The following ENPP1 variants were observed in gnomAD, a reference collection of about 807,000 sequenced individuals.
The protein encoded by ENPP1 is ectonucleotide pyrophosphatase/phosphodiesterase 1, also known as ectonucleotide pyrophosphatase/phosphodiesterase family member 1.
A neutral mutation model predicts 122.8 loss-of-function variants in ENPP1; 73 were observed. The observed-to-expected ratio is 0.59, with a 90% CI of 0.49 to 0.72. The LOEUF (loss-of-function observed/expected upper bound fraction) is 0.72. Ranked by LOEUF, ENPP1 falls within the 30% of genes least tolerant of loss-of-function variation. The pLI, the probability that ENPP1 is intolerant of heterozygous loss-of-function variation, is 0.00. For missense variants in ENPP1, 978 were observed against 1,128.1 expected, an observed-to-expected ratio of 0.87 and a Z score of 1.91; for synonymous variants, 367 against 391.6, an observed-to-expected ratio of 0.94 and a Z score of 0.74.
In ENPP1 at chr6:131,894,975, C is replaced by T. The variant is rs577211800; in HGVS notation, c.*4464C>T. ...GTGGTGATTACACTTCATGCTGAAGCTTTTCACATGAGTGCTTTCATAAGC... is the reference window on the plus strand; with the variant it reads ...GTGGTGATTACACTTCATGCTGAAGTTTTTCACATGAGTGCTTTCATAAGC... On this transcript the variant is annotated 3_prime_UTR_variant, in exon 25 of 25. Coordinates refer to ENST00000647893, the MANE Select transcript of ENPP1 (RefSeq NM_006208.3). 1 of 152,236 alleles carries T rather than the reference C, an allele frequency of 6.6e-6. No individual in the cohort carries two copies. Among genetic ancestry groups the T allele is most frequent in the African/African-American group, 2.4e-5 (1 of 41,450 alleles). The allele number at this position is 152,236 out of a possible 1,614,324, so 9.4% of individuals were successfully genotyped here.
chr6:131,827,979 G>T, intron 1 of ENPP1: 1 of 747,174 alleles, frequency 1.3e-6, no homozygotes, highest in Non-Finnish European at 2.4e-6. Flanking sequence ...CAAGCTTGGA[G>T]CTGGTACCTG....
At chr6:131,844,576 T>A (rs1007803976) in intron 1 of ENPP1, among the ~76,000 whole-genome samples, 4 of 144,980 alleles carry the variant, frequency 2.8e-5, no homozygotes, top group Admixed American at 6.7e-5. Flanking sequence ...GTGAATGAAC[T>A]GATGAAGAAT....
intron 1 of ENPP1, among the ~76,000 whole-genome samples, chr6:131,841,750 A>G (rs897426043): frequency 3.3e-5 from 5 of 152,162 alleles, no homozygotes; most frequent in African/African-American, 1.2e-4. Flanking sequence ...AGACAGACAA[A>G]TCTTATGGAG....
Position 131,868,069 on chromosome 6 carries a change from G to T in ENPP1, c.1216G>T (p.Gly406Cys), listed in dbSNP as rs1401871197. 6.2e-7 allele frequency: 1 copy of T among 1,613,560 alleles called. No individual in the cohort carries two copies. Among genetic ancestry groups the T allele is most frequent in the Non-Finnish European group, 8.5e-7 (1 of 1,179,784 alleles). ...VDGMVGMLMD[G>C]LKELNLHRCL... ...TGGTATGGTTGGTATGCTGATGGAT[G>T]GTCTGAAAGAGCTGAACTTGCACAG... Residue 406 changes from glycine to cysteine, a missense_variant, in exon 12 of 25, where the codon GGT becomes TGT. This residue lies in a region of ENPP1 where 644 missense variants were observed against 781.5 expected (regional missense o/e 0.82). Transcript: ENST00000647893.
intron 21 of ENPP1, 37 bp downstream of exon 21, chr6:131,882,511 T>G: frequency 6.5e-7 from 1 of 1,536,128 alleles, no homozygotes; most frequent in Non-Finnish European, 8.9e-7. Flanking sequence ...CCTTTTCTCC[T>G]TTTTGTTTTC....
At chr6:131,883,869 T>C (rs1241665788) in intron 22 of ENPP1, 95 bp downstream of exon 22, 2 of 714,334 alleles carry the variant, frequency 2.8e-6, no homozygotes, top group Non-Finnish European at 5.1e-6. Flanking sequence ...CTAAATTAAA[T>C]GAATTAATAC....
Position 131,894,529 on chromosome 6 carries a change from T to A in ENPP1, c.*4018T>A, listed in dbSNP as rs1782521698. On this transcript the variant is annotated 3_prime_UTR_variant, in exon 25 of 25. Transcript: ENST00000647893. ...CCTGAGCTCAGACAATCCCCCCGCC[T>A]TGGCCTCCCAAAGTGCTAGGATTAT... 1 of 152,222 alleles carries A rather than the reference T, an allele frequency of 6.6e-6. No homozygotes were observed. Among genetic ancestry groups the A allele is most frequent in the Non-Finnish European group, 1.5e-5 (1 of 68,108 alleles). The allele number at this position is 152,222 out of a possible 1,614,324, so 9.4% of individuals were successfully genotyped here. A position where few individuals can be genotyped will look rare whatever the true frequency, so the allele number is the denominator to read the frequency against.
At chr6:131,857,281 C>A (rs1296632671) in intron 6 of ENPP1, among the ~76,000 whole-genome samples, 4 of 148,604 alleles carry the variant, frequency 2.7e-5, no homozygotes, top group Non-Finnish European at 5.9e-5. Flanking sequence ...ACCATTTGAC[C>A]CAGCCATCCC....
At chr6:131,883,371 G>A (rs1394308665) in intron 21 of ENPP1, among the ~76,000 whole-genome samples, 2 of 152,218 alleles carry the variant, frequency 1.3e-5, no homozygotes, top group African/African-American at 4.8e-5. Context: ...GTGAAAAAGT[G>A]TAAGGAAAGA....
At chr6:131,848,419 C>T (rs12110564) in intron 2 of ENPP1, among the ~76,000 whole-genome samples, 1 of 152,008 alleles carries the variant, frequency 6.6e-6, no homozygotes. Flanking sequence ...AGTTCCCCCC[C>T]CATCCTCTCG....
intron 14 of ENPP1, 151 bp from the exon 15 acceptor site, chr6:131,872,772 A>G (rs1436830663): frequency 2.6e-6 from 2 of 761,226 alleles, no homozygotes; most frequent in Non-Finnish European, 2.1e-6. Context: ...AAAATTTCAT[A>G]TGAAGTTAGA....
In ENPP1 at chr6:131,859,752, G is replaced by A. The variant is rs941322904; in HGVS notation, c.796-635G>A. 1.3e-4 allele frequency among the ~76,000 whole-genome samples: 19 copies of A among 151,528 alleles called. No homozygotes were observed. In the South Asian group the frequency reaches 3.6e-3, roughly 29 times the overall value. The stretch of plus-strand genomic sequence containing the variant: ...TTAGGCAAAAGAGATAGCGAGTAGA[G>A]GGCGGTGGTTGTCGGCTAATTGTCA... On this transcript the variant is annotated intron_variant, in intron 7 of 24. Coordinates refer to ENST00000647893, the MANE Select transcript of ENPP1 (RefSeq NM_006208.3).
At chr6:131,823,860 C>G (rs1432384887) in intron 1 of ENPP1, among the ~76,000 whole-genome samples, 2 of 151,864 alleles carry the variant, frequency 1.3e-5, no homozygotes, top group East Asian at 3.9e-4. Flanking sequence ...TGTGTCATAG[C>G]TTCCTTGCCT....
chr6:131,819,443 T>C (rs1267657387), intron 1 of ENPP1, among the ~76,000 whole-genome samples: 1 of 152,236 alleles, frequency 6.6e-6, no homozygotes, highest in Admixed American at 6.5e-5. Context: ...ACACTAAATG[T>C]TAAATACACA....
At chr6:131,845,264 C>A (rs537261763) in intron 1 of ENPP1, among the ~76,000 whole-genome samples, 1 of 151,358 alleles carries the variant, frequency 6.6e-6, no homozygotes, top group South Asian at 2.1e-4. Flanking sequence ...AACTCCTGAC[C>A]TCGTGATCCA....
intron 20 of ENPP1, among the ~76,000 whole-genome samples, chr6:131,881,585 A>AT (rs765058910): frequency 8.5e-5 from 13 of 152,176 alleles, no homozygotes; most frequent in Non-Finnish European, 1.3e-4. Flanking sequence ...ACATTTTACT[A>AT]TATAAAAGCT....
At chr6:131,821,532 C>T (rs1781484604) in intron 1 of ENPP1, among the ~76,000 whole-genome samples, 2 of 152,182 alleles carry the variant, frequency 1.3e-5, no homozygotes, top group Admixed American at 6.5e-5. Flanking sequence ...ACAGTCTCCT[C>T]CCTTTGCATA....
chr6:131,875,400 C>A (rs546623254), intron 16 of ENPP1, among the ~76,000 whole-genome samples: 1 of 152,040 alleles, frequency 6.6e-6, no homozygotes, highest in Non-Finnish European at 1.5e-5. Context: ...TAATATCTTA[C>A]ATTTACCCAG....
At chr6:131,811,142 G>C (rs1781344634) in intron 1 of ENPP1, among the ~76,000 whole-genome samples, 1 of 151,212 alleles carries the variant, frequency 6.6e-6, no homozygotes, top group Admixed American at 6.6e-5. Context: ...CTTGTTTCTT[G>C]GTGTGATTTT....
Sources: allele counts gnomAD v4.1 joint callset (sites outside exome capture counted in the v4.1 genomes callset), GRCh38; gene constraint gnomAD v4.1.1; regional missense constraint gnomAD v4.1.1; transcripts MANE v1.5; gene names NCBI Gene and HGNC (gene_info 2026-07-23, HGNC 2026-07-21).